The following PDE6D variants were observed in gnomAD, a reference collection of about 807,000 sequenced individuals.
PDE6D encodes phosphodiesterase 6D, also known as retinal rod rhodopsin-sensitive cGMP 3',5'-cyclic phosphodiesterase subunit delta.
Under a neutral mutation model 21.9 loss-of-function variants are expected in PDE6D, and 10 were observed. That is an observed-to-expected ratio of 0.46 (90% CI 0.28 to 0.78). The LOEUF (loss-of-function observed/expected upper bound fraction) is 0.78, where lower values mean the gene tolerates loss of function less well. PDE6D is among the 30% of genes least tolerant of loss of function. The probability of loss-of-function intolerance (pLI) is 0.12; values close to 1 mark genes in which losing one functional copy is unlikely to be tolerated. For missense variants in PDE6D, 139 were observed against 184.8 expected (o/e 0.75, Z 1.44); for synonymous variants, 59 against 63.5 (o/e 0.93, Z 0.34).
At chr2:231,763,481 GC>G (rs2048947631) in intron 1 of PDE6D, among the ~76,000 whole-genome samples, 1 of 152,204 alleles carries the variant, frequency 6.6e-6, no homozygotes, top group South Asian at 2.1e-4. Context: ...TCAGAATGTG[GC>G]CCACAGACTG....
intron 4 of PDE6D, among the ~76,000 whole-genome samples, chr2:231,736,592 T>G (rs1352736043): frequency 6.6e-6 from 1 of 152,222 alleles, no homozygotes; most frequent in Non-Finnish European, 1.5e-5. Context: ...AAACAAATTG[T>G]TCTTGGAACA....
intron 1 of PDE6D, among the ~76,000 whole-genome samples, chr2:231,741,113 CAAAAAAAAAA>C (rs56947117): frequency 1.8e-5 from 1 of 54,860 alleles, no homozygotes; most frequent in Non-Finnish European, 3.2e-5. Flanking sequence ...AACCCTGTCT[CAAAAAAAAAA>C]AAAAAAAAAA....
chr2:231,757,856 C>T (rs1055809336), intron 1 of PDE6D, among the ~76,000 whole-genome samples: 7 of 151,776 alleles, frequency 4.6e-5, no homozygotes, highest in Admixed American at 3.9e-4. Flanking sequence ...AAAGGAATGG[C>T]TGTTACAGAA....
intron 4 of PDE6D, 133 bp from the exon 5 acceptor site, chr2:231,733,166 G>A (rs2048666061): frequency 3.1e-6 from 2 of 652,062 alleles, no homozygotes; most frequent in Admixed American, 2.7e-5. Flanking sequence ...TTAGCTTGGG[G>A]ACATTAAAAT....
chr2:231,734,949 A>T (rs1242274616), intron 4 of PDE6D, among the ~76,000 whole-genome samples: 1 of 151,428 alleles, frequency 6.6e-6, no homozygotes, highest in African/African-American at 2.4e-5. Context: ...GTAATTAAAA[A>T]ATCTACTTTT....
intron 3 of PDE6D, 39 bp downstream of exon 3, chr2:231,737,974 C>T: frequency 6.3e-7 from 1 of 1,597,626 alleles, no homozygotes; most frequent in East Asian, 2.2e-5. Context: ...GTCCTGGTCG[C>T]CCTAAGCCCT....
At chr2:231,764,957 G>A (rs1334658721) in intron 1 of PDE6D, among the ~76,000 whole-genome samples, 1 of 152,126 alleles carries the variant, frequency 6.6e-6, no homozygotes. Context: ...AGGGTCCAGT[G>A]GACTGTAAAA....
chr2:231,779,959 G>A (rs2049091533), intron 1 of PDE6D, among the ~76,000 whole-genome samples: 1 of 152,228 alleles, frequency 6.6e-6, no homozygotes, highest in African/African-American at 2.4e-5. Context: ...CAAGGGAGGA[G>A]CCCTGAAGTG....
intron 1 of PDE6D, among the ~76,000 whole-genome samples, chr2:231,766,333 T>C (rs1049581119): frequency 2.0e-5 from 3 of 152,176 alleles, no homozygotes; most frequent in African/African-American, 7.2e-5. Context: ...CCTAGCAAAG[T>C]CAAACAATAA....
chr2:231,758,650 G>A (rs2048902454), intron 1 of PDE6D, among the ~76,000 whole-genome samples: 1 of 152,160 alleles, frequency 6.6e-6, no homozygotes, highest in Admixed American at 6.5e-5. Flanking sequence ...TCATTCCACT[G>A]AAGCCAGGGT....
intron 1 of PDE6D, among the ~76,000 whole-genome samples, chr2:231,773,134 C>T (rs2049028399): frequency 6.6e-6 from 1 of 152,016 alleles, no homozygotes; most frequent in African/African-American, 2.4e-5. Context: ...CCCAGGCACT[C>T]AGGAGGGTGA....
intron 1 of PDE6D, among the ~76,000 whole-genome samples, chr2:231,769,535 C>T (rs1350222928): frequency 1.3e-5 from 2 of 152,028 alleles, no homozygotes; most frequent in African/African-American, 4.8e-5. Flanking sequence ...CTCTCACACA[C>T]ACACACAGAG....
chr2:231,769,424 AC>A (rs1236789966), intron 1 of PDE6D, among the ~76,000 whole-genome samples: 3 of 152,106 alleles, frequency 2.0e-5, no homozygotes, highest in Non-Finnish European at 4.4e-5. Flanking sequence ...TTTAGCAGTG[AC>A]CTGGTGAAAA....
chr2:231,737,893 T>C, intron 3 of PDE6D, 120 bp downstream of exon 3: 6 of 993,444 alleles, frequency 6.0e-6, no homozygotes, highest in Non-Finnish European at 8.9e-6. Context: ...GTAGGAATCC[T>C]ACCACAAACT....
intron 1 of PDE6D, among the ~76,000 whole-genome samples, chr2:231,769,550 GTA>G (rs375842151): frequency 2.7e-5 from 4 of 149,736 alleles, no homozygotes; most frequent in Non-Finnish European, 5.9e-5. Context: ...ACAGAGATAT[GTA>G]TATATATATA....
At chr2:231,769,608 A>T (rs2048999800) in intron 1 of PDE6D, among the ~76,000 whole-genome samples, 1 of 152,014 alleles carries the variant, frequency 6.6e-6, no homozygotes, top group Admixed American at 6.6e-5. Flanking sequence ...ATGCACACAG[A>T]CACACACAAA....
At chr2:231,736,454 C>T (rs958333801) in intron 4 of PDE6D, among the ~76,000 whole-genome samples, 5 of 152,148 alleles carry the variant, frequency 3.3e-5, no homozygotes, top group African/African-American at 1.2e-4. Flanking sequence ...GCTGGGATTA[C>T]AGGTGTGTGC....
chr2:231,760,035 C>G (rs1337983875), intron 1 of PDE6D, among the ~76,000 whole-genome samples: 2 of 152,100 alleles, frequency 1.3e-5, no homozygotes, highest in African/African-American at 2.4e-5. Flanking sequence ...ACTTTTATAC[C>G]TCCAAAATAA....
At chr2:231,755,989 T>C (rs1179209500) in intron 1 of PDE6D, among the ~76,000 whole-genome samples, 1 of 152,182 alleles carries the variant, frequency 6.6e-6, no homozygotes, top group African/African-American at 2.4e-5. Context: ...CTGAAACTTT[T>C]ATGTACAGAT....
Sources: allele counts gnomAD v4.1 joint callset (sites outside exome capture counted in the v4.1 genomes callset), GRCh38; gene constraint gnomAD v4.1.1; transcripts MANE v1.5; gene names NCBI Gene and HGNC (gene_info 2026-07-23, HGNC 2026-07-21).